Variants in ZNF438 observed in about 807,000 individuals in gnomAD.
The protein encoded by ZNF438 is zinc finger protein 438.
In ZNF438, 25 loss-of-function variants were observed where a neutral mutation model predicts 38.0. That is an observed-to-expected ratio of 0.66 (90% CI 0.48 to 0.92). ZNF438 has a LOEUF of 0.92. ZNF438 is among the 40% of genes least tolerant of loss of function. The pLI is 0.00. For synonymous variants in ZNF438, 372 were observed against 364.1 expected, an observed-to-expected ratio of 1.02 and a Z score of -0.25; for missense variants, 1,007 against 999.6, an observed-to-expected ratio of 1.01 and a Z score of -0.10.
At chr10:30,845,673 T>C (rs919945138) in intron 5 of ZNF438, 100 bp from the exon 7 acceptor site, 2 of 1,407,820 alleles carry the variant, frequency 1.4e-6, no homozygotes, top group Admixed American at 2.3e-5. Context: ...AACATAACAC[T>C]GACGAGAAAG....
intron 1 of ZNF438, among the ~76,000 whole-genome samples, chr10:30,942,716 A>G (rs2046948330): frequency 6.6e-6 from 1 of 151,708 alleles, no homozygotes; most frequent in Non-Finnish European, 1.5e-5. Flanking sequence ...AGAATTTCGT[A>G]TCTCCAACCT....
chr10:30,978,436 CA>C (rs1305546151), intron 1 of ZNF438, among the ~76,000 whole-genome samples: 1 of 151,958 alleles, frequency 6.6e-6, no homozygotes, highest in African/African-American at 2.4e-5. Context: ...ATTTGTGTAC[CA>C]GGGTTTTTTT....
chr10:30,876,040 T>G (rs1225370478), intron 4 of ZNF438, among the ~76,000 whole-genome samples: 2 of 152,226 alleles, frequency 1.3e-5, no homozygotes, highest in East Asian at 3.8e-4. Flanking sequence ...TTTTATAGAT[T>G]TACAGATGTG....
chr10:30,991,954 C>G (rs2053549242), intron 1 of ZNF438, among the ~76,000 whole-genome samples: 1 of 152,176 alleles, frequency 6.6e-6, no homozygotes, highest in African/African-American at 2.4e-5. Context: ...AGATCAACTC[C>G]TAGGAAGCCA....
chr10:30,915,841 GA>G (rs1480503395), intron 2 of ZNF438, among the ~76,000 whole-genome samples: 10 of 152,088 alleles, frequency 6.6e-5, no homozygotes, highest in African/African-American at 2.4e-4. Context: ...TGTGCTTTGA[GA>G]AGTCAGCTGA....
At chr10:30,906,307 TTC>T (rs1410536019) in intron 3 of ZNF438, among the ~76,000 whole-genome samples, 3 of 152,228 alleles carry the variant, frequency 2.0e-5, no homozygotes, top group African/African-American at 4.8e-5. Context: ...TTCCTGCGTA[TTC>T]TGTTTAATGC....
chr10:30,973,774 C>T (rs56800492), intron 1 of ZNF438, among the ~76,000 whole-genome samples: 8,004 of 152,254 alleles, frequency 0.053, 249 homozygotes, highest in Non-Finnish European at 0.071. Flanking sequence ...CCGGGCAGAA[C>T]AAAGTCTTTC....
chr10:30,870,832 A>C (rs2037290484), intron 4 of ZNF438, among the ~76,000 whole-genome samples: 1 of 152,192 alleles, frequency 6.6e-6, no homozygotes, highest in Non-Finnish European at 1.5e-5. Context: ...AATGAGAATC[A>C]ACCATACCTA....
At chr10:30,848,671 G>A in exon 5 of ZNF438, 1 of 1,614,244 alleles carries the variant, frequency 6.2e-7, no homozygotes, top group South Asian at 1.1e-5. Context: ...AGACTCGGAT[G>A]TGGCCAAACA....
chr10:30,925,716 TTCCTCAG>T (rs1360789333), intron 2 of ZNF438, among the ~76,000 whole-genome samples: 4 of 152,222 alleles, frequency 2.6e-5, no homozygotes, highest in African/African-American at 9.6e-5. Context: ...CAGGTTAAGG[TTCCTCAG>T]AAGCAGCAGG....
chr10:30,937,053 C>T (rs2046334627), intron 2 of ZNF438, among the ~76,000 whole-genome samples: 1 of 152,176 alleles, frequency 6.6e-6, no homozygotes, highest in Non-Finnish European at 1.5e-5. Flanking sequence ...CACCAAGATC[C>T]TTTGTGTGTC....
chr10:31,006,779 G>GT (rs1179745653), intron 1 of ZNF438, among the ~76,000 whole-genome samples: 4 of 33,462 alleles, frequency 1.2e-4, no homozygotes, highest in Admixed American at 8.2e-4. Context: ...GGCGGGGGGC[G>GT]GGGGGGGGAA....
intron 1 of ZNF438, among the ~76,000 whole-genome samples, chr10:30,950,242 C>T (rs2048003008): frequency 6.6e-6 from 1 of 151,930 alleles, no homozygotes; most frequent in Non-Finnish European, 1.5e-5. Context: ...GGGACGCATT[C>T]AAAGCAGCGT....
chr10:30,845,444 A>G (rs1245942388), exon 6 of ZNF438: 4 of 1,614,148 alleles, frequency 2.5e-6, no homozygotes, highest in African/African-American at 1.3e-5. Context: ...CTCCATGAAC[A>G]TCAAGTAAAT....
At chr10:30,861,459 A>G (rs573772675) in intron 4 of ZNF438, among the ~76,000 whole-genome samples, 24 of 152,242 alleles carry the variant, frequency 1.6e-4, no homozygotes, top group Admixed American at 6.5e-4. Flanking sequence ...GGAAACAAGC[A>G]TTCTTTGTGA....
At chr10:30,917,485 C>T (rs577597981) in intron 2 of ZNF438, among the ~76,000 whole-genome samples, 1 of 152,158 alleles carries the variant, frequency 6.6e-6, no homozygotes, top group South Asian at 2.1e-4. Flanking sequence ...TGCTCTAGAT[C>T]CTATCTGATT....
intron 1 of ZNF438, among the ~76,000 whole-genome samples, chr10:30,944,997 T>C (rs2047214980): frequency 6.6e-6 from 1 of 152,094 alleles, no homozygotes; most frequent in Non-Finnish European, 1.5e-5. Context: ...AAACAACTTT[T>C]GGTTTTGTGG....
At chr10:30,858,128 T>C (rs2034987226) in intron 4 of ZNF438, among the ~76,000 whole-genome samples, 1 of 152,234 alleles carries the variant, frequency 6.6e-6, no homozygotes, top group Non-Finnish European at 1.5e-5. Context: ...GTGTCCCTGC[T>C]CTTGAAACAG....
At chr10:30,855,648 T>G (rs2034490686) in intron 4 of ZNF438, among the ~76,000 whole-genome samples, 1 of 152,182 alleles carries the variant, frequency 6.6e-6, no homozygotes, top group South Asian at 2.1e-4. Flanking sequence ...CGTAATTACT[T>G]AAGTGTCCAC....
Sources: gnomAD v4.1 joint callset for allele counts (sites outside exome capture counted in the v4.1 genomes callset) on GRCh38, gnomAD v4.1.1 for gene constraint, MANE v1.5 for transcripts, NCBI Gene and HGNC (gene_info 2026-07-23, HGNC 2026-07-21) for gene names.